GPC5: variants seen among roughly 807,000 people sequenced by gnomAD.
GPC5 encodes glypican 5.
In GPC5, 47 loss-of-function variants were observed where a neutral mutation model predicts 53.9. That is an observed-to-expected ratio of 0.87 (90% CI 0.69 to 1.11). The LOEUF is 1.11. Among genes scored for constraint, GPC5 ranks in the 50% most tolerant of loss-of-function variants. GPC5 has a pLI of 0.00. For synonymous variants in GPC5, 286 were observed against 263.3 expected, an observed-to-expected ratio of 1.09 and a Z score of -0.84; for missense variants, 748 against 713.1, an observed-to-expected ratio of 1.05 and a Z score of -0.56.
intron 7 of GPC5, among the ~76,000 whole-genome samples, chr13:92,187,517 A>T (rs147429763): frequency 3.3e-5 from 5 of 152,162 alleles, no homozygotes; most frequent in African/African-American, 1.2e-4. Flanking sequence ...GTATTTCCAT[A>T]CTGGATTCCA....
At chr13:92,387,108 G>T (rs1032579001) in intron 7 of GPC5, among the ~76,000 whole-genome samples, 2 of 152,046 alleles carry the variant, frequency 1.3e-5, no homozygotes, top group Non-Finnish European at 2.9e-5. Flanking sequence ...ACTTGAGATG[G>T]TTTGACTTAG....
chr13:92,146,428 C>A (rs1013005132), intron 7 of GPC5, among the ~76,000 whole-genome samples: 1 of 151,904 alleles, frequency 6.6e-6, no homozygotes, highest in Non-Finnish European at 1.5e-5. Flanking sequence ...TGACTAATAA[C>A]TTTTGATGAA....
intron 2 of GPC5, among the ~76,000 whole-genome samples, chr13:91,519,591 A>T (rs1225953472): frequency 1.3e-5 from 2 of 152,178 alleles, no homozygotes; most frequent in Admixed American, 6.5e-5. Flanking sequence ...TCATGATTGT[A>T]AGTTCCCTGA....
intron 7 of GPC5, among the ~76,000 whole-genome samples, chr13:92,281,252 GCTCGAA>G (rs1227667874): frequency 6.6e-6 from 1 of 152,212 alleles, no homozygotes; most frequent in Non-Finnish European, 1.5e-5. Context: ...CAGCCAGGAA[GCTCGAA>G]CTGGGTGGAG....
At position 91,846,295 on chromosome 13, in the gene GPC5, T is replaced by C. The variant is rs1216365355; in HGVS notation, c.1281-61642T>C. 6.6e-5 allele frequency among the ~76,000 whole-genome samples: 10 copies of C among 152,200 alleles called. No individual in the cohort carries two copies. In the South Asian group the frequency reaches 1.9e-3, roughly 28 times the overall value. ...ACATATAATCCTAAACTGCATGCTT[T>C]ATGTTGAAGAAAAAAAAACAGCAAC... On this transcript the variant is annotated intron_variant, in intron 5 of 7. Coordinates refer to ENST00000377067, the MANE Select transcript of GPC5 (RefSeq NM_004466.6).
At chr13:92,124,899 A>G (rs2041682524) in intron 6 of GPC5, among the ~76,000 whole-genome samples, 1 of 152,170 alleles carries the variant, frequency 6.6e-6, no homozygotes, top group Non-Finnish European at 1.5e-5. Flanking sequence ...ACCTCCCGGT[A>G]TCTTGTGTTA....
chr13:92,447,538 C>G (rs971428048), intron 7 of GPC5: 4 of 151,520 alleles, frequency 2.6e-5, no homozygotes, highest in Non-Finnish European at 5.9e-5. Flanking sequence ...GCTTCATCAT[C>G]AGGAAATGAA....
At chr13:92,761,174 T>C (rs1875160391) in intron 7 of GPC5, among the ~76,000 whole-genome samples, 1 of 152,214 alleles carries the variant, frequency 6.6e-6, no homozygotes, top group Non-Finnish European at 1.5e-5. Flanking sequence ...TTCATTTTTA[T>C]AGAGGCAGAT....
intron 3 of GPC5, among the ~76,000 whole-genome samples, chr13:91,719,241 C>T (rs570087937): frequency 6.6e-6 from 1 of 152,342 alleles, no homozygotes; most frequent in African/African-American, 2.4e-5. Flanking sequence ...AGTCAGCATC[C>T]TGCTGACTGC....
chr13:92,815,507 C>T (rs973712791), intron 7 of GPC5, among the ~76,000 whole-genome samples: 3 of 151,674 alleles, frequency 2.0e-5, no homozygotes, highest in African/African-American at 7.3e-5. Flanking sequence ...ATAGTCATAG[C>T]CTGATTACAC....
At chr13:91,550,748 C>T (rs190993131) in intron 2 of GPC5, among the ~76,000 whole-genome samples, 69 of 152,164 alleles carry the variant, frequency 4.5e-4, no homozygotes, top group African/African-American at 1.6e-3. Flanking sequence ...AATAATCCCA[C>T]ATGTCAAGGG....
chr13:92,587,219 C>A (rs1005165460), intron 7 of GPC5, among the ~76,000 whole-genome samples: 2 of 152,042 alleles, frequency 1.3e-5, no homozygotes, highest in African/African-American at 2.4e-5. Flanking sequence ...TATGAATTGG[C>A]ATTCTATATA....
intron 7 of GPC5, among the ~76,000 whole-genome samples, chr13:92,362,305 T>A (rs2043574530): frequency 3.3e-5 from 5 of 151,654 alleles, no homozygotes; most frequent in Admixed American, 3.3e-4. Context: ...TGGTACACAG[T>A]GGGTATTGTT....
At chr13:92,705,073 T>C (rs1566374053) in intron 7 of GPC5, among the ~76,000 whole-genome samples, 1 of 151,926 alleles carries the variant, frequency 6.6e-6, no homozygotes, top group African/African-American at 2.4e-5. Context: ...GCAAAAAGTT[T>C]AGTGATTGTG....
chr13:91,696,071 G>T (rs2035873027), intron 3 of GPC5, among the ~76,000 whole-genome samples: 1 of 152,210 alleles, frequency 6.6e-6, no homozygotes, highest in African/African-American at 2.4e-5. Context: ...AAATAGGACA[G>T]TGTTGGTCAG....
At chr13:91,937,739 G>A (rs930356178) in intron 6 of GPC5, among the ~76,000 whole-genome samples, 3 of 151,990 alleles carry the variant, frequency 2.0e-5, no homozygotes, top group African/African-American at 7.2e-5. Context: ...TATTTAGACC[G>A]GATAAGACAA....
chr13:91,620,097 C>A (rs910545732), intron 2 of GPC5, among the ~76,000 whole-genome samples: 3 of 152,072 alleles, frequency 2.0e-5, no homozygotes, highest in South Asian at 2.1e-4. Flanking sequence ...TGCTTAATAA[C>A]GGCTTGATTT....
chr13:92,568,919 C>CT (rs951141370), intron 7 of GPC5, among the ~76,000 whole-genome samples: 17 of 151,694 alleles, frequency 1.1e-4, no homozygotes, highest in African/African-American at 3.9e-4. Context: ...GGCATTGTTT[C>CT]TTTTTTTTAG....
intron 5 of GPC5, among the ~76,000 whole-genome samples, chr13:91,853,035 T>C (rs1479931802): frequency 6.6e-6 from 1 of 152,146 alleles, no homozygotes; most frequent in Non-Finnish European, 1.5e-5. Context: ...ATTATTCATC[T>C]CTATATGCTA....
Sources: allele counts gnomAD v4.1 joint callset (sites outside exome capture counted in the v4.1 genomes callset), GRCh38; gene constraint gnomAD v4.1.1; transcripts MANE v1.5; gene names NCBI Gene and HGNC (gene_info 2026-07-23, HGNC 2026-07-21).